Variants in SUPT6H observed in about 807,000 individuals in gnomAD.
SUPT6H encodes the protein transcription elongation factor SPT6.
In SUPT6H, 11 loss-of-function variants were observed where a neutral mutation model predicts 222.3. That is an observed-to-expected ratio of 0.05 (90% confidence interval 0.03 to 0.08). The LOEUF (loss-of-function observed/expected upper bound fraction) is 0.08, where lower values mean the gene tolerates loss of function less well. Among genes scored for constraint, SUPT6H ranks in the 10% least tolerant of loss-of-function variants. The probability of loss-of-function intolerance (pLI) is 1.00; values close to 1 mark genes in which losing one functional copy is unlikely to be tolerated. For missense variants in SUPT6H, 1,422 were observed against 2,216.0 expected (o/e 0.64, Z 7.19); for synonymous variants, 762 against 801.2 (o/e 0.95, Z 0.83).
At chr17:28,669,901 A>T (rs1238735258) in intron 1 of SUPT6H, among the ~76,000 whole-genome samples, 1 of 152,268 alleles carries the variant, frequency 6.6e-6, no homozygotes, top group Non-Finnish European at 1.5e-5. Flanking sequence ...GTGCCATTGC[A>T]CTTCATCCTG....
chr17:28,686,461 T>C, intron 20 of SUPT6H, 46 bp downstream of exon 20: 2 of 1,595,732 alleles, frequency 1.3e-6, no homozygotes, highest in Non-Finnish European at 8.6e-7. Flanking sequence ...GTGACCCAAC[T>C]CATCCCTTAT....
intron 6 of SUPT6H, 113 bp downstream of exon 6, chr17:28,675,598 T>C: frequency 9.1e-7 from 1 of 1,101,638 alleles, no homozygotes; most frequent in South Asian, 1.4e-5. Context: ...GCAGCCATTT[T>C]GCTTCCCTGC....
chr17:28,664,257 C>T (rs2029892141), intron 1 of SUPT6H, among the ~76,000 whole-genome samples: 1 of 152,164 alleles, frequency 6.6e-6, no homozygotes, highest in South Asian at 2.1e-4. Flanking sequence ...CCTATAATCC[C>T]AGCACTTTGG....
At chr17:28,701,301 G>A (rs1200551053) in intron 36 of SUPT6H, 138 bp from the exon 37 acceptor site, 1 of 1,378,644 alleles carries the variant, frequency 7.3e-7, no homozygotes. Context: ...ATGGCAGCCA[G>A]CTGCTGCTGT....
intron 13 of SUPT6H, among the ~76,000 whole-genome samples, chr17:28,682,383 C>G (rs993088330): frequency 6.6e-6 from 1 of 152,060 alleles, no homozygotes; most frequent in Non-Finnish European, 1.5e-5. Flanking sequence ...CCCAGCACTT[C>G]GGAGGTCAAG....
chr17:28,692,099 G>A (rs1426425991), intron 27 of SUPT6H, among the ~76,000 whole-genome samples: 5 of 151,264 alleles, frequency 3.3e-5, no homozygotes, highest in South Asian at 4.2e-4. Flanking sequence ...TGAGGCGGGC[G>A]GATCATGAGG....
At chr17:28,682,227 A>G in intron 13 of SUPT6H, 1 of 443,038 alleles carries the variant, frequency 2.3e-6, no homozygotes, top group Non-Finnish European at 4.1e-6. Flanking sequence ...GAGAGAGTCC[A>G]GTCTGTCTGT....
chr17:28,686,384 C>T lies in SUPT6H; in HGVS notation c.2533C>T (p.Pro845Ser). 6.2e-7 allele frequency: 1 copy of T among 1,614,218 alleles called. No individual in the cohort carries two copies. Among genetic ancestry groups the T allele is most frequent in the Non-Finnish European group, 8.5e-7 (1 of 1,180,040 alleles). Residue 845 changes from proline to serine, a missense_variant, in exon 20 of 37, where the codon CCT becomes TCT. Pro to Ser is a moderately conservative substitution (Grantham distance 74). Transcript: ENST00000314616. The part of the protein sequence containing the change: ...TLKKFLLNKK[P>S]HVVTVAGENR... Reference sequence around the variant, plus strand: ...AAAGAAATTTCTCCTGAATAAGAAGCCTCATGTAGTGACAGTTGCAGGAGA... The same window carrying T: ...AAAGAAATTTCTCCTGAATAAGAAGTCTCATGTAGTGACAGTTGCAGGAGA...
At position 28,683,079 on chromosome 17, in the gene SUPT6H, A is replaced by G. The variant is rs1267795508; in HGVS notation, c.1865A>G (p.Lys622Arg). 1 of 1,597,886 alleles carries G rather than the reference A, an allele frequency of 6.3e-7. No homozygotes were observed. The highest frequency in any genetic ancestry group is 1.4e-5 in the African/African-American group (1 of 73,538). Residue 622 changes from lysine (K) to arginine (R), a missense_variant, in exon 15 of 37, where the codon AAG becomes AGG. By Grantham distance (26) the Lys-to-Arg change is conservative. Around this residue, in one of 13 missense-constraint regions of SUPT6H, gnomAD observed 121 missense variants for 158.0 expected, o/e 0.77. Coordinates refer to ENST00000314616, the MANE Select transcript of SUPT6H (RefSeq NM_003170.5). ...ERAKLNITPT[K>R]KGRKDVDEAH... ...GCCAAGTTAAATATAACCCCCACCA[A>G]GAAAGGTAGAAAGGTGAGCTGGGTG...
At chr17:28,701,208 C>T in intron 36 of SUPT6H, 80 bp downstream of exon 36, 1 of 1,514,328 alleles carries the variant, frequency 6.6e-7, no homozygotes, top group Non-Finnish European at 8.8e-7. Flanking sequence ...TTAGCAGAGG[C>T]AGGTGCTCTG....
Position 28,675,495 on chromosome 17 carries a change from G to C in SUPT6H, c.623+10G>C, listed in dbSNP as rs755416091. The C allele has an allele frequency of 6.2e-7, 1 of 1,614,108 alleles. No homozygotes were observed. The highest frequency in any genetic ancestry group is 1.1e-5 in the South Asian group (1 of 91,082). ...CTGGATACACAGACGCGTGAGTGGG[G>C]TCTGGTACAAGGTGGGGATAAAGTG... On this transcript the variant is annotated intron_variant, in intron 6 of 36. Transcript: ENST00000314616.
At position 28,686,873 on chromosome 17, in the gene SUPT6H, CAG is replaced by C. The variant is rs147178894; in HGVS notation, c.2700+85_2700+86del. On this transcript the variant is annotated intron_variant, in intron 21 of 36. Coordinates refer to ENST00000314616, the MANE Select transcript of SUPT6H (RefSeq NM_003170.5). ...GATTAAATTGGGAAACAAAAGTTAT[CAG>C]GGGCACAGGACTGTACCTGTGTACT... 14,507 of 1,511,192 alleles carry C rather than the reference CAG, an allele frequency of 9.6e-3. 120 individuals are homozygous for C. The highest frequency in any genetic ancestry group is 0.011 in the Middle Eastern group (61 of 5,616). 93.6% of individuals were successfully genotyped at this position (1,511,192 alleles called of 1,614,324 possible).
chr17:28,675,533 C>G, intron 6 of SUPT6H, 48 bp downstream of exon 6: 5 of 1,600,302 alleles, frequency 3.1e-6, no homozygotes, highest in Non-Finnish European at 4.3e-6. Flanking sequence ...TGAGTGGGCC[C>G]AGTCAGGAAG....
chr17:28,684,983 A>C, intron 19 of SUPT6H, 22 bp downstream of exon 19: 2 of 1,597,330 alleles, frequency 1.3e-6, no homozygotes, highest in Non-Finnish European at 1.7e-6. Context: ...GGACGAGGAT[A>C]CTAAGTGTAC....
chr17:28,695,893 G>A (rs1318414644), intron 29 of SUPT6H, among the ~76,000 whole-genome samples: 2 of 152,170 alleles, frequency 1.3e-5, no homozygotes, highest in Non-Finnish European at 2.9e-5. Flanking sequence ...CCCAAACAGG[G>A]TGGCTCACGG....
chr17:28,690,572 C>T (rs1010934108), intron 26 of SUPT6H, among the ~76,000 whole-genome samples: 4 of 152,100 alleles, frequency 2.6e-5, no homozygotes, highest in South Asian at 2.1e-4. Context: ...GCCAGGAGTT[C>T]GAGACCAGTC....
intron 1 of SUPT6H, among the ~76,000 whole-genome samples, chr17:28,670,650 G>A (rs1390005005): frequency 6.6e-6 from 1 of 152,188 alleles, no homozygotes; most frequent in Non-Finnish European, 1.5e-5. Context: ...ACTTTGGGAG[G>A]CCGAGGCGGG....
intron 6 of SUPT6H, 74 bp downstream of exon 6, chr17:28,675,559 C>G (rs2030695965): frequency 1.3e-6 from 2 of 1,523,836 alleles, no homozygotes; most frequent in Non-Finnish European, 1.8e-6. Context: ...GATCAGAGGC[C>G]TTTGCCAAAA....
chr17:28,690,031 C>T (rs759520736), intron 25 of SUPT6H, 51 bp from the exon 26 acceptor site: 2 of 1,575,578 alleles, frequency 1.3e-6, no homozygotes, highest in Admixed American at 1.8e-5. Flanking sequence ...CTCCTTGAGG[C>T]TCAGGTTGGG....
Sources: allele counts gnomAD v4.1 joint callset (sites outside exome capture counted in the v4.1 genomes callset), GRCh38; gene constraint gnomAD v4.1.1; regional missense constraint gnomAD v4.1.1; transcripts MANE v1.5; gene names NCBI Gene and HGNC (gene_info 2026-07-23, HGNC 2026-07-21).